Variants in PHAF1 observed in about 807,000 individuals in gnomAD.
PHAF1 encodes phagosome assembly factor 1.
Under a neutral mutation model 63.1 loss-of-function variants are expected in PHAF1, and 23 were observed. The observed-to-expected ratio is 0.36, with a 90% confidence interval of 0.26 to 0.52. The LOEUF is 0.52. Ranked by LOEUF, PHAF1 falls within the 20% of genes least tolerant of loss-of-function variation. The pLI is 0.93. For missense variants in PHAF1, 427 were observed against 517.2 expected, an observed-to-expected ratio of 0.83 and a Z score of 1.69; for synonymous variants, 167 against 185.0, an observed-to-expected ratio of 0.90 and a Z score of 0.79.
At chr16:67,130,477 T>C (rs888932800) in intron 3 of PHAF1, among the ~76,000 whole-genome samples, 1 of 151,552 alleles carries the variant, frequency 6.6e-6, no homozygotes, top group Non-Finnish European at 1.5e-5. Flanking sequence ...GCCTCCACAG[T>C]AGCTGGGATT....
intron 6 of PHAF1, 93 bp from the exon 7 acceptor site, chr16:67,134,075 C>T (rs561022910): frequency 3.4e-4 from 367 of 1,083,026 alleles, no homozygotes; most frequent in Non-Finnish European, 4.6e-4. Context: ...TTGACCTGAG[C>T]AGCTCTTGAA....
intron 8 of PHAF1, chr16:67,135,097 G>C (rs1350359668): frequency 5.7e-6 from 1 of 176,104 alleles, no homozygotes; most frequent in African/African-American, 2.4e-5. Flanking sequence ...AGTGTTTCCT[G>C]GAGATGCATC....
chr16:67,132,807 C>A lies in PHAF1; in HGVS notation c.356-10C>A. 1 of 1,600,672 alleles carries A rather than the reference C, an allele frequency of 6.2e-7. No homozygotes were observed. Among genetic ancestry groups the A allele is most frequent in the Non-Finnish European group, 8.6e-7 (1 of 1,167,684 alleles). The stretch of plus-strand genomic sequence containing the variant: ...AACCATGTTATTTTCTTCTCCCCCA[C>A]CCCCAACAGTGTACAACTCCGCTGA... On this transcript the variant is annotated splice_polypyrimidine_tract_variant and intron_variant, in intron 5 of 15. Transcript: ENST00000219139.
Position 67,148,098 on chromosome 16 carries a change from A to G in PHAF1, c.*967A>G, listed in dbSNP as rs1000531733. On this transcript the variant is annotated 3_prime_UTR_variant, in exon 16 of 16. Coordinates refer to ENST00000219139, the MANE Select transcript of PHAF1 (RefSeq NM_025187.5). ...CCTTTTGAAAAGAACTGAGAAGAAA[A>G]ATGTATAATTTTATCCCATTTTTAA... 1 of 152,672 alleles carries G rather than the reference A, an allele frequency of 6.5e-6. No homozygotes were observed. The highest frequency in any genetic ancestry group is 2.4e-5 in the African/African-American group (1 of 41,456). The allele number at this position is 152,672 out of a possible 1,614,324, so 9.5% of individuals were successfully genotyped here.
chr16:67,140,348 C>T (rs1273034035), intron 9 of PHAF1, among the ~76,000 whole-genome samples, 163 bp from the exon 10 acceptor site: 1 of 152,174 alleles, frequency 6.6e-6, no homozygotes, highest in Non-Finnish European at 1.5e-5. Flanking sequence ...CGACAGCTGG[C>T]CCCCTCTCCT....
chr16:67,130,023 TC>T (rs1963329133), intron 3 of PHAF1, among the ~76,000 whole-genome samples: 2 of 152,332 alleles, frequency 1.3e-5, no homozygotes, highest in Non-Finnish European at 2.9e-5. Context: ...GTAAACAAAA[TC>T]AACTTCAAAA....
intron 3 of PHAF1, among the ~76,000 whole-genome samples, chr16:67,126,594 G>GTTTTTTTTTTTTTT (rs201265915): frequency 6.9e-6 from 1 of 144,238 alleles, no homozygotes; most frequent in Non-Finnish European, 1.5e-5. Flanking sequence ...TTTTGTTTTT[G>GTTTTTTTTTTTTTT]GTTTTTTTTT....
intron 3 of PHAF1, among the ~76,000 whole-genome samples, chr16:67,128,967 G>A (rs1196440206): frequency 6.6e-6 from 1 of 152,210 alleles, no homozygotes; most frequent in Admixed American, 6.5e-5. Context: ...CAGGGCGGGT[G>A]GTGGGAAGCT....
intron 6 of PHAF1, 64 bp downstream of exon 6, chr16:67,132,975 T>C: frequency 1.5e-6 from 2 of 1,339,382 alleles, no homozygotes; most frequent in Non-Finnish European, 2.1e-6. Context: ...GCAGATGGTG[T>C]CATGGGATGG....
intron 2 of PHAF1, among the ~76,000 whole-genome samples, chr16:67,122,803 A>C (rs1195012451): frequency 6.6e-6 from 1 of 152,110 alleles, no homozygotes; most frequent in African/African-American, 2.4e-5. Flanking sequence ...ATCTTGGCTC[A>C]CTGCAACTTC....
At chr16:67,146,896 G>A (rs2030140030) in intron 15 of PHAF1, 149 bp from the exon 16 acceptor site, 2 of 717,896 alleles carry the variant, frequency 2.8e-6, no homozygotes, top group South Asian at 1.7e-5. Flanking sequence ...GCAGAGGGGG[G>A]CCTTTAGCAT....
At position 67,122,869 on chromosome 16, in the gene PHAF1, C is replaced by T. The variant is rs367868821; in HGVS notation, c.147+2675C>T. Among the ~76,000 whole-genome samples the T allele has an allele frequency of 2.0e-5, 3 of 152,224 alleles. No homozygotes were observed. The South Asian group carries it at 6.2e-4, about 32-fold the overall frequency. ...TCAGCCTCCCAAGTACCTGCGATTA[C>T]AGGCACATGCCACCATGCCTGGCTA... On this transcript the variant is annotated intron_variant, in intron 2 of 15. Transcript: ENST00000219139.
intron 2 of PHAF1, among the ~76,000 whole-genome samples, chr16:67,122,503 A>T (rs979545858): frequency 6.6e-6 from 1 of 150,390 alleles, no homozygotes; most frequent in African/African-American, 2.5e-5. Flanking sequence ...AGGTGGGAGG[A>T]TCATGAGCAG....
chr16:67,120,318 A>G, intron 2 of PHAF1, 124 bp downstream of exon 2: 1 of 813,828 alleles, frequency 1.2e-6, no homozygotes, highest in Admixed American at 2.6e-5. Flanking sequence ...AATCTCTAGC[A>G]CCAGCCAGTT....
rs373141905 is a variant in PHAF1, at chr16:67,126,080, G to A, written c.231+38G>A. 7 of 1,495,440 alleles carry A rather than the reference G, an allele frequency of 4.7e-6. No individual in the cohort carries two copies. In the African/African-American group the frequency reaches 9.7e-5, roughly 21 times the overall value. 92.6% of individuals were successfully genotyped at this position (1,495,440 alleles called of 1,614,324 possible). ...GACAACTAATGTTTCATGTCCAGCT[G>A]GGCCAGTCTTTCTGGAGCTAATTAG... is the stretch of plus-strand genomic sequence containing the variant. On this transcript the variant is annotated intron_variant, in intron 3 of 15. Coordinates refer to ENST00000219139, the MANE Select transcript of PHAF1 (RefSeq NM_025187.5).
chr16:67,126,023 C>G lies in PHAF1; in HGVS notation c.212C>G (p.Ala71Gly). The G allele has an allele frequency of 6.2e-7, 1 of 1,612,136 alleles. No individual in the cohort carries two copies. The highest frequency in any genetic ancestry group is 1.1e-5 in the South Asian group (1 of 91,046). The change falls in exon 3 of 16, where the codon GCT (alanine) becomes GGT (glycine). Residue 71 changes from alanine (A) to glycine (G), a missense_variant. Transcript: ENST00000219139. ...GACGGGATCAAACTAATGTTTGATGCTTTCAATCAGAGACTTAAGGTAACT... is the reference window on the plus strand; with the variant it reads ...GACGGGATCAAACTAATGTTTGATGGTTTCAATCAGAGACTTAAGGTAACT... Reference protein sequence around the residue: ...TQDGIKLMFDAFNQRLKVIEV... With the variant: ...TQDGIKLMFDGFNQRLKVIEV...
At chr16:67,116,992 C>A (rs913363917) in intron 1 of PHAF1, among the ~76,000 whole-genome samples, 1 of 152,058 alleles carries the variant, frequency 6.6e-6, no homozygotes, top group Admixed American at 6.6e-5. Context: ...GGACCTGTCT[C>A]TATGTGTGTT....
intron 3 of PHAF1, among the ~76,000 whole-genome samples, chr16:67,128,031 G>C (rs1019504394): frequency 6.6e-6 from 1 of 152,136 alleles, no homozygotes; most frequent in Non-Finnish European, 1.5e-5. Flanking sequence ...TATGTTTAGT[G>C]AGTGCTTAGT....
chr16:67,124,049 G>A (rs1341651346), intron 2 of PHAF1, among the ~76,000 whole-genome samples: 1 of 151,898 alleles, frequency 6.6e-6, no homozygotes, highest in African/African-American at 2.4e-5. Context: ...GACTCTGAGA[G>A]TAATTTGATT....
Sources: allele counts gnomAD v4.1 joint callset (sites outside exome capture counted in the v4.1 genomes callset), GRCh38; gene constraint gnomAD v4.1.1; transcripts MANE v1.5; gene names NCBI Gene and HGNC (gene_info 2026-07-23, HGNC 2026-07-21).